Variants in TMBIM1 observed in about 807,000 individuals in gnomAD.
TMBIM1 encodes the protein transmembrane BAX inhibitor motif containing 1.
A neutral mutation model predicts 45.1 loss-of-function variants in TMBIM1; 34 were observed. The ratio of observed to expected loss-of-function variants is 0.75; its 90% CI spans 0.57 to 1.00. The LOEUF (loss-of-function observed/expected upper bound fraction) is 1.00. TMBIM1 is among the 50% of genes least tolerant of loss of function. The pLI is 0.00. For synonymous variants in TMBIM1, 157 were observed against 153.5 expected, an observed-to-expected ratio of 1.02 and a Z score of -0.17; for missense variants, 374 against 402.4, an observed-to-expected ratio of 0.93 and a Z score of 0.60.
Position 218,277,430 on chromosome 2 carries a change from A to T in TMBIM1, c.575T>A (p.Ile192Asn), listed in dbSNP as rs1420670192. ...CACCGCAGTGATGATCATTGCAATG[A>T]TGACGGCTTTGGTTTGGTACATACT... is the stretch of plus-strand genomic sequence containing the variant. ...ISSMYQTKAV[I>N]IAMIITAVVS... Residue 192 changes from isoleucine to asparagine, a missense_variant, in exon 9 of 12, where the codon ATC (isoleucine) becomes AAC (asparagine). Transcript: ENST00000258412. 1 of 1,614,174 alleles carries T rather than the reference A, an allele frequency of 6.2e-7. No individual in the cohort carries two copies.
At chr2:218,289,634 A>AAC (rs1328154078) in intron 1 of TMBIM1, among the ~76,000 whole-genome samples, 1 of 150,874 alleles carries the variant, frequency 6.6e-6, no homozygotes, top group African/African-American at 2.4e-5. Context: ...AGAAAAAAAA[A>AAC]AAAAAAAAAA....
chr2:218,275,571 G>A lies in TMBIM1; in HGVS notation c.840C>T (p.Ile280=). The A allele has an allele frequency of 6.2e-7, 1 of 1,614,080 alleles. No homozygotes were observed. Among genetic ancestry groups the A allele is most frequent in the Non-Finnish European group, 8.5e-7 (1 of 1,179,990 alleles). The change falls in exon 12 of 12, where the codon ATC becomes ATT. Residue 280 remains isoleucine, a synonymous_variant. Coordinates refer to ENST00000258412, the MANE Select transcript of TMBIM1 (RefSeq NM_022152.6). ...CGCCAGTGATGTAGTCCTCGGGGCT[G>A]ATGGTGTGCTTCCGGTTCCCCAGGA... ...QLVLGNRKHT[I]SPEDYITGAL...
At chr2:218,285,487 C>T (rs986388336) in intron 1 of TMBIM1, among the ~76,000 whole-genome samples, 1 of 152,120 alleles carries the variant, frequency 6.6e-6, no homozygotes, top group South Asian at 2.1e-4. Context: ...CACACCACCA[C>T]AGGGCTCACA....
intron 1 of TMBIM1, chr2:218,287,162 T>A (rs1692588419): frequency 6.6e-6 from 1 of 152,052 alleles, no homozygotes; most frequent in South Asian, 2.1e-4. Flanking sequence ...GCCACAGGGA[T>A]CTAAACACTA....
intron 1 of TMBIM1, 93 bp from the exon 2 acceptor site, chr2:218,282,274 C>G: frequency 1.4e-6 from 1 of 712,646 alleles, no homozygotes; most frequent in Admixed American, 4.0e-5. Context: ...AGGCTGCCTC[C>G]GTGGAGAGGA....
chr2:218,280,805 C>CTTTTTTTTTTTTT (rs950294415), intron 2 of TMBIM1: 1 of 104,048 alleles, frequency 9.6e-6, no homozygotes, highest in African/African-American at 4.5e-5. Flanking sequence ...ACCTCATTTC[C>CTTTTTTTTTTTTT]TTTTTTTTTT....
intron 4 of TMBIM1, 70 bp downstream of exon 4, chr2:218,279,215 GCCAC>G: frequency 1.9e-6 from 3 of 1,555,506 alleles, no homozygotes; most frequent in Non-Finnish European, 2.6e-6. Context: ...AGGGCCCACC[GCCAC>G]CCACACCCCC....
rs1028395939 is a variant in TMBIM1 at position 218,277,408 on chromosome 2, C to T, written c.597G>A (p.Ala199=). 9.3e-6 allele frequency: 15 copies of T among 1,614,012 alleles called. No homozygotes were observed. The highest frequency in any genetic ancestry group is 1.1e-5 in the Non-Finnish European group (13 of 1,180,040). ...AGATGGTGACTGAAATGGATACCAC[C>T]GCAGTGATGATCATTGCAATGATGA... ...KAVIIAMIIT[A]VVSISVTIFC... is the part of the protein sequence containing the mutation. The change falls in exon 9 of 12, where the codon GCG becomes GCA. Residue 199 remains alanine, a synonymous_variant. Coordinates refer to ENST00000258412, the MANE Select transcript of TMBIM1 (RefSeq NM_022152.6).
intron 9 of TMBIM1, 57 bp downstream of exon 9, chr2:218,277,309 C>T (rs1008726667): frequency 8.5e-6 from 13 of 1,522,492 alleles, no homozygotes; most frequent in South Asian, 2.2e-5. Context: ...TGCCGGGGTC[C>T]GGGCCTGATA....
Position 218,279,102 on chromosome 2 carries a change from C to T in TMBIM1, c.369-11G>A. On this transcript the variant is annotated splice_polypyrimidine_tract_variant and intron_variant, in intron 4 of 11. Transcript: ENST00000258412. ...GCGCTGACAGGTTCCCTGTGGGGCACAGGAGGACAGGAGTAGTCACCCTGA... is the reference window on the plus strand; with the variant it reads ...GCGCTGACAGGTTCCCTGTGGGGCATAGGAGGACAGGAGTAGTCACCCTGA... 6.2e-7 allele frequency: 1 copy of T among 1,614,072 alleles called. No individual in the cohort carries two copies. Among genetic ancestry groups the T allele is most frequent in the South Asian group, 1.1e-5 (1 of 91,084 alleles).
intron 5 of TMBIM1, among the ~76,000 whole-genome samples, chr2:218,278,817 G>A (rs570943410): frequency 6.6e-6 from 1 of 152,224 alleles, no homozygotes; most frequent in Non-Finnish European, 1.5e-5. Context: ...GCAGCGCAGC[G>A]TGCACGCCAC....
chr2:218,275,627 A>C lies in TMBIM1; in HGVS notation c.790-6T>G. The C allele has an allele frequency of 6.2e-7, 1 of 1,606,258 alleles. No individual in the cohort carries two copies. Among genetic ancestry groups the C allele is most frequent in the Non-Finnish European group, 8.5e-7 (1 of 1,177,316 alleles). ...TGTGTGTCGTAAGCCAGGAACTGCA[A>C]GGATAGGGAAGCCAGAAGTGAGAAC... On this transcript the variant is annotated splice_region_variant and splice_polypyrimidine_tract_variant and intron_variant, in intron 11 of 11. Coordinates refer to ENST00000258412, the MANE Select transcript of TMBIM1 (RefSeq NM_022152.6).
intron 1 of TMBIM1, among the ~76,000 whole-genome samples, chr2:218,283,489 G>A (rs925727794): frequency 6.6e-6 from 1 of 152,134 alleles, no homozygotes; most frequent in Admixed American, 6.5e-5. Flanking sequence ...TGCATCCCCA[G>A]TAAGGACAAG....
chr2:218,280,220 C>G lies in TMBIM1; in HGVS notation c.203-94G>C, dbSNP rs772776037. ...GACAATCTCAAAGTCTCAGGGATCT[C>G]CAGCCAAAAGACAAGTGTTATAACA... On this transcript the variant is annotated intron_variant, in intron 2 of 11. Coordinates refer to ENST00000258412, the MANE Select transcript of TMBIM1 (RefSeq NM_022152.6). The G allele has an allele frequency of 5.4e-6, 5 of 924,846 alleles. No individual in the cohort carries two copies. The African/African-American group carries it at 8.2e-5, about 15-fold the overall frequency. The allele number at this position is 924,846 out of a possible 1,614,324, so 57.3% of individuals were successfully genotyped here.
intron 3 of TMBIM1, among the ~76,000 whole-genome samples, chr2:218,279,775 A>G (rs2045434): frequency 0.35 from 53,745 of 152,034 alleles, 9,918 homozygotes; most frequent in Middle Eastern, 0.5. Context: ...CTGTGGCAGA[A>G]CCCACCTAGG....
Position 218,276,316 on chromosome 2 carries a change from A to G in TMBIM1, c.736-237T>C, listed in dbSNP as rs991177638. On this transcript the variant is annotated intron_variant, in intron 10 of 11. Coordinates refer to ENST00000258412, the MANE Select transcript of TMBIM1 (RefSeq NM_022152.6). The stretch of plus-strand genomic sequence containing the variant: ...TAAAACCAATCTCCAAAGCCAGTCA[A>G]GGTACACAAGTGTCTACTATACTTC... Among the ~76,000 whole-genome samples, 26 of 152,218 alleles carry G rather than the reference A, an allele frequency of 1.7e-4. 1 individual carries two copies. The highest frequency in any genetic ancestry group is 4.6e-4 in the Admixed American group (7 of 15,282).
At chr2:218,277,147 AG>A in intron 9 of TMBIM1, 48 bp from the exon 10 acceptor site, 1 of 1,545,052 alleles carries the variant, frequency 6.5e-7, no homozygotes, top group Non-Finnish European at 8.9e-7. Flanking sequence ...TGTGACAACC[AG>A]CCCAGTCAGA....
At position 218,277,442 on chromosome 2, in the gene TMBIM1, G is replaced by A. The variant is rs1691337471; in HGVS notation, c.563C>T (p.Thr188Ile). Residue 188 changes from threonine to isoleucine, a missense_variant, in exon 9 of 12, where the codon ACC becomes ATC. Transcript: ENST00000258412. ...MTGTISSMYQ[T>I]KAVIIAMIIT... ...GATCATTGCAATGATGACGGCTTTG[G>A]TTTGGTACATACTGGGGAGAAGCAG... 3 of 1,614,194 alleles carry A rather than the reference G, an allele frequency of 1.9e-6. No homozygotes were observed. The highest frequency in any genetic ancestry group is 2.5e-6 in the Non-Finnish European group (3 of 1,180,042).
chr2:218,277,250 G>A, intron 9 of TMBIM1, 116 bp downstream of exon 9: 1 of 1,168,416 alleles, frequency 8.6e-7, no homozygotes, highest in Non-Finnish European at 1.3e-6. Context: ...CAGTTTTGTA[G>A]GTGCGGATGA....
Sources: gnomAD v4.1 joint callset for allele counts (sites outside exome capture counted in the v4.1 genomes callset) on GRCh38, gnomAD v4.1.1 for gene constraint, MANE v1.5 for transcripts, NCBI Gene and HGNC (gene_info 2026-07-23, HGNC 2026-07-21) for gene names.